The following NUMBL variants were observed in gnomAD, a reference collection of about 807,000 sequenced individuals.
NUMBL encodes the protein numb-like protein.
In NUMBL, 20 loss-of-function variants were observed where a neutral mutation model predicts 48.9. The ratio of observed to expected loss-of-function variants is 0.41; its 90% CI spans 0.29 to 0.59. The LOEUF (loss-of-function observed/expected upper bound fraction) is 0.59, where lower values mean the gene tolerates loss of function less well. Among genes scored for constraint, NUMBL ranks in the 20% least tolerant of loss-of-function variants. The pLI, the probability that NUMBL is intolerant of heterozygous loss-of-function variation, is 0.31. For synonymous variants in NUMBL, 340 were observed against 348.7 expected (o/e 0.98, Z 0.28); for missense variants, 660 against 846.2 (o/e 0.78, Z 2.73).
intron 2 of NUMBL, 59 bp from the exon 3 acceptor site, chr19:40,684,615 A>T: frequency 6.5e-7 from 1 of 1,538,762 alleles, no homozygotes. Flanking sequence ...ATGGAGCTCA[A>T]CGGGGAGGGA....
At chr19:40,680,188 G>C (rs1290551817) in intron 6 of NUMBL, among the ~76,000 whole-genome samples, 2 of 151,024 alleles carry the variant, frequency 1.3e-5, no homozygotes. Flanking sequence ...CTGGAGTGCA[G>C]TGGTGCAGTC....
intron 2 of NUMBL, 21 bp downstream of exon 2, chr19:40,686,890 T>G: frequency 6.7e-7 from 1 of 1,502,224 alleles, no homozygotes; most frequent in Non-Finnish European, 9.1e-7. Context: ...AGCCCTGCCC[T>G]GTCCCAGGCT....
intron 2 of NUMBL, 106 bp downstream of exon 2, chr19:40,686,805 C>T: frequency 1.4e-6 from 1 of 739,112 alleles, no homozygotes; most frequent in Non-Finnish European, 2.3e-6. Flanking sequence ...GGTGTCCACT[C>T]ATGAGTGTGA....
At chr19:40,686,835 G>A (rs2081937378) in intron 2 of NUMBL, 76 bp downstream of exon 2, 2 of 915,106 alleles carry the variant, frequency 2.2e-6, no homozygotes, top group Non-Finnish European at 1.7e-6. Flanking sequence ...TGTGACCGCA[G>A]GGACAGCTCC....
rs754388486 is a variant in NUMBL at position 40,682,988 on chromosome 19, G to GGA, written c.250-21_250-20insTC. The GGA allele has an allele frequency of 5.6e-6, 9 of 1,608,534 alleles. No individual in the cohort carries two copies. The highest frequency in any genetic ancestry group is 5.4e-5 in the African/African-American group (4 of 74,680). The stretch of plus-strand genomic sequence containing the variant: ...CAGGTACTTGGGTTGGAGGGAATGG[G>GGA]GGGGGGGACATGAAACAGCACAGTA... On this transcript the variant is annotated intron_variant, in intron 3 of 9. Coordinates refer to ENST00000252891, the MANE Select transcript of NUMBL (RefSeq NM_004756.5). This position sits in a 1 kb window ranked among gnomAD's most constrained non-coding sequence, Gnocchi z 4.0.
intron 9 of NUMBL, 145 bp from the exon 10 acceptor site, chr19:40,668,283 G>C (rs1018898400): frequency 1.4e-6 from 2 of 1,384,018 alleles, no homozygotes; most frequent in Non-Finnish European, 1.9e-6. Flanking sequence ...TGCACCTCCC[G>C]AGCTTGCTGA....
At position 40,667,716 on chromosome 19, in the gene NUMBL, G is replaced by A. The variant is rs1414305732; in HGVS notation, c.1582C>T (p.Pro528Ser). The change falls in exon 10 of 10, where the codon CCT becomes TCT. Residue 528 changes from proline (P) to serine (S), a missense_variant. By Grantham distance (74) the Pro-to-Ser change is moderately conservative. This residue lies in a region of NUMBL where 296 missense variants were observed against 339.7 expected (regional missense o/e 0.87). Coordinates refer to ENST00000252891, the MANE Select transcript of NUMBL (RefSeq NM_004756.5). The surrounding 1 kb of genome is among the most constrained non-coding windows in gnomAD (Gnocchi z 6.1). ...NAFCSAAQLQ[P>S]QPATLLGKAG... ...TTCCCAAGCAGAGTGGCAGGCTGAGGCTGGAGCTGGGCGGCTGAGCAGAAG... is the reference window on the plus strand; with the variant it reads ...TTCCCAAGCAGAGTGGCAGGCTGAGACTGGAGCTGGGCGGCTGAGCAGAAG... 2 of 1,575,534 alleles carry A rather than the reference G, an allele frequency of 1.3e-6. No individual in the cohort carries two copies. The highest frequency in any genetic ancestry group is 2.3e-5 in the South Asian group (2 of 86,342).
chr19:40,668,209 G>T, intron 9 of NUMBL, 71 bp from the exon 10 acceptor site: 1 of 1,496,676 alleles, frequency 6.7e-7, no homozygotes, highest in Non-Finnish European at 8.9e-7. Context: ...GCTGGGAACT[G>T]GCATGGTGTG....
At chr19:40,689,550 TC>T (rs1325613110) in intron 1 of NUMBL, 2 of 151,684 alleles carry the variant, frequency 1.3e-5, no homozygotes, top group South Asian at 2.1e-4. Flanking sequence ...CTTCCCCCCT[TC>T]CCCCCAGGTA....
chr19:40,670,310 T>C (rs1404712205), intron 8 of NUMBL, among the ~76,000 whole-genome samples: 2 of 152,150 alleles, frequency 1.3e-5, no homozygotes, highest in Admixed American at 1.3e-4. Context: ...CTAAAACACT[T>C]AGCAACATAT....
At chr19:40,671,367 CAT>C (rs1198629093) in intron 8 of NUMBL, among the ~76,000 whole-genome samples, 2 of 112,326 alleles carry the variant, frequency 1.8e-5, no homozygotes, top group Non-Finnish European at 3.6e-5. Context: ...GCATGTGTGA[CAT>C]GTGTGTGGGG....
At chr19:40,686,645 T>C (rs2081936135) in intron 2 of NUMBL, among the ~76,000 whole-genome samples, 1 of 152,056 alleles carries the variant, frequency 6.6e-6, no homozygotes. Context: ...GTGTGTGTGA[T>C]CTGAAAGAGA....
In NUMBL at chr19:40,667,550, G is replaced by T; in HGVS notation, c.1748C>A (p.Ala583Glu). Residue 583 changes from alanine to glutamate, a missense_variant, in exon 10 of 10, where the codon GCA (alanine) becomes GAA (glutamate). Ala to Glu is a moderately radical substitution (Grantham distance 107). This residue lies in a region of NUMBL where 296 missense variants were observed against 339.7 expected (regional missense o/e 0.87). Transcript: ENST00000252891. This position sits in a 1 kb window ranked among gnomAD's most constrained non-coding sequence, Gnocchi z 6.1. ...ELDPFEAQWA[A>E]LEGKATVEKP... ...CTCTACAGTGGCTTTGCCTTCTAAT[G>T]CCGCCCACTGGGCCTCAAAGGGGTC... 6.4e-7 allele frequency: 1 copy of T among 1,564,302 alleles called. No homozygotes were observed. The highest frequency in any genetic ancestry group is 8.7e-7 in the Non-Finnish European group (1 of 1,153,746).
rs1053746409 is a variant in NUMBL at position 40,682,114 on chromosome 19, G to C, written c.399+614C>G. On this transcript the variant is annotated intron_variant, in intron 5 of 9. Coordinates refer to ENST00000252891, the MANE Select transcript of NUMBL (RefSeq NM_004756.5). This position sits in a 1 kb window ranked among gnomAD's most constrained non-coding sequence, Gnocchi z 4.0. ...ACTTGCATATGCTTTCTCACTTAAT[G>C]GTAGGGTCTATTATAATCCCTGTTT... is the stretch of plus-strand genomic sequence containing the variant. Among the ~76,000 whole-genome samples, 3 of 152,108 alleles carry C rather than the reference G, an allele frequency of 2.0e-5. No homozygotes were observed. In the East Asian group the frequency reaches 5.8e-4, roughly 29 times the overall value.
rs1437194765 is a variant in NUMBL at position 40,682,605 on chromosome 19, C to T, written c.399+123G>A. 13 of 814,018 alleles carry T rather than the reference C, an allele frequency of 1.6e-5. No homozygotes were observed. Among genetic ancestry groups the T allele is most frequent in the Admixed American group, 2.6e-5 (1 of 38,608 alleles). The allele number at this position is 814,018 out of a possible 1,614,324, so 50.4% of individuals were successfully genotyped here. On this transcript the variant is annotated intron_variant, in intron 5 of 9. Transcript: ENST00000252891. This position sits in a 1 kb window ranked among gnomAD's most constrained non-coding sequence, Gnocchi z 4.0. ...GAGTTATGACGACAGAGGGAGCACA[C>T]GGCATCGTCTAGAAGGTCCCTGAGG...
chr19:40,684,477 C>T lies in NUMBL; in HGVS notation c.189G>A (p.Pro63=), dbSNP rs774632442. 9 of 1,589,562 alleles carry T rather than the reference C, an allele frequency of 5.7e-6. No homozygotes were observed. The highest frequency in any genetic ancestry group is 7.7e-6 in the Non-Finnish European group (9 of 1,169,010). The part of the protein sequence containing the change: ...KPAYVPEASR[P]HQWQADEDAV... ...CGTCCTCGTCTGCCTGCCACTGGTG[C>T]GGGCGCGACGCCTCGGGCACGTAGG... Residue 63 remains proline (P), a synonymous_variant, in exon 3 of 10, where the codon CCG becomes CCA. Coordinates refer to ENST00000252891, the MANE Select transcript of NUMBL (RefSeq NM_004756.5).
rs1311477407 is a variant in NUMBL at position 40,673,506 on chromosome 19, G to A, written c.874C>T (p.Arg292Trp). Residue 292 changes from arginine (R) to tryptophan (W), a missense_variant, in exon 8 of 10, where the codon CGG becomes TGG. Physicochemically the swap from Arg to Trp is moderately radical, Grantham distance 101. Transcript: ENST00000252891. This position sits in a 1 kb window ranked among gnomAD's most constrained non-coding sequence, Gnocchi z 5.9. ...AGCTGCTCCAGGGGTGCATGGCGCC[G>A]GGGGATGGCGGCCGCAGTGGTGCCT... The part of the protein sequence containing the change: ...AAGTTAAAIP[R>W]RHAPLEQLVR... 5 of 1,575,150 alleles carry A rather than the reference G, an allele frequency of 3.2e-6. No homozygotes were observed. The highest frequency in any genetic ancestry group is 1.7e-4 in the Middle Eastern group (1 of 5,998).
Position 40,673,235 on chromosome 19 carries a change from C to A in NUMBL, c.1036+109G>T. 2.6e-6 allele frequency: 3 copies of A among 1,164,920 alleles called. No individual in the cohort carries two copies. The highest frequency in any genetic ancestry group is 3.6e-6 in the Non-Finnish European group (3 of 844,346). The allele number at this position is 1,164,920 out of a possible 1,614,324, so 72.2% of individuals were successfully genotyped here. A position where few individuals can be genotyped will look rare whatever the true frequency, so the allele number is the denominator to read the frequency against. Reference sequence around the variant, plus strand: ...CCCACTCTCTCTCCTTTGCCCATGGCAGACAGTGCAAATCAATCACAGTGT... The same window carrying A: ...CCCACTCTCTCTCCTTTGCCCATGGAAGACAGTGCAAATCAATCACAGTGT... On this transcript the variant is annotated intron_variant, in intron 8 of 9. Coordinates refer to ENST00000252891, the MANE Select transcript of NUMBL (RefSeq NM_004756.5). This position sits in a 1 kb window ranked among gnomAD's most constrained non-coding sequence, Gnocchi z 5.9.
chr19:40,683,652 C>T (rs772351068), intron 3 of NUMBL, among the ~76,000 whole-genome samples: 3 of 152,220 alleles, frequency 2.0e-5, no homozygotes, highest in Non-Finnish European at 4.4e-5. Flanking sequence ...CTCTCCCCCT[C>T]ACAGGAATGT....
Sources: allele counts gnomAD v4.1 joint callset (sites outside exome capture counted in the v4.1 genomes callset), GRCh38; gene constraint gnomAD v4.1.1; regional missense constraint gnomAD v4.1.1; non-coding constraint Gnocchi (gnomAD v3.1); transcripts MANE v1.5; gene names NCBI Gene and HGNC (gene_info 2026-07-23, HGNC 2026-07-21).